The following ITGAE variants were observed in gnomAD, a reference collection of about 807,000 sequenced individuals.
The protein encoded by ITGAE is integrin alpha-E.
A neutral mutation model predicts 136.5 loss-of-function variants in ITGAE; 99 were observed. The ratio of observed to expected loss-of-function variants is 0.73; its 90% CI spans 0.62 to 0.86. The LOEUF is 0.86. Among genes scored for constraint, ITGAE ranks in the 40% least tolerant of loss-of-function variants. The probability of loss-of-function intolerance (pLI) is 0.00; values close to 1 mark genes in which losing one functional copy is unlikely to be tolerated. For missense variants in ITGAE, 1,447 were observed against 1,515.3 expected (o/e 0.95, Z 0.75); for synonymous variants, 613 against 591.8 (o/e 1.04, Z -0.52).
At chr17:3,777,241 G>A (rs1429743612) in intron 2 of ITGAE, among the ~76,000 whole-genome samples, 2 of 152,128 alleles carry the variant, frequency 1.3e-5, no homozygotes, top group African/African-American at 2.4e-5. Context: ...GATTACAGGC[G>A]TGAGCCACCG....
intron 21 of ITGAE, among the ~76,000 whole-genome samples, chr17:3,733,205 G>A (rs542919294): frequency 1.4e-4 from 21 of 151,992 alleles, no homozygotes; most frequent in African/African-American, 3.4e-4. Flanking sequence ...GGCTGGTCTC[G>A]AACTCCTGAC....
At chr17:3,751,991 G>A (rs1368146733) in intron 14 of ITGAE, 117 bp from the exon 15 acceptor site, 2 of 862,370 alleles carry the variant, frequency 2.3e-6, no homozygotes, top group South Asian at 1.6e-5. Flanking sequence ...CACCCAGGAT[G>A]CACGCTCGCT....
In ITGAE at chr17:3,734,884, TC is replaced by T; in HGVS notation, c.2587del (p.Glu863LysfsTer5). On this transcript the variant is annotated frameshift_variant, in exon 21 of 31. Transcript: ENST00000263087. LOFTEE classifies it high-confidence loss of function. The part of the protein sequence containing the change: ...TLNINLTNSG[E>X]DSYMTSMALN... ...GGCCATGCTTGTCATGTAGGAATCT[TC>T]CCCGGAGTTAGTTAGGTTAATGTTC... 1 of 1,614,180 alleles carries T rather than the reference TC, an allele frequency of 6.2e-7. No individual in the cohort carries two copies. The highest frequency in any genetic ancestry group is 8.5e-7 in the Non-Finnish European group (1 of 1,180,024).
intron 28 of ITGAE, chr17:3,721,643 A>C (rs900133851): frequency 1.3e-5 from 2 of 152,062 alleles, no homozygotes; most frequent in Non-Finnish European, 2.9e-5. Flanking sequence ...CTACTTCTTC[A>C]GTTGAGACCT....
At chr17:3,754,810 G>GGTGGTCTCCAGGCC (rs2051962092) in intron 12 of ITGAE, 1 of 329,108 alleles carries the variant, frequency 3.0e-6, no homozygotes, top group Non-Finnish European at 5.7e-6. Context: ...CCCTCACCCA[G>GGTGGTCTCCAGGCC]GTGGTCTCCA....
chr17:3,751,276 G>A (rs907699027), intron 15 of ITGAE, among the ~76,000 whole-genome samples: 2 of 150,956 alleles, frequency 1.3e-5, no homozygotes, highest in African/African-American at 4.9e-5. Context: ...GGGAATGAGA[G>A]ATAAGGCGCG....
chr17:3,748,150 C>A, intron 16 of ITGAE, 98 bp from the exon 17 acceptor site: 4 of 1,237,436 alleles, frequency 3.2e-6, no homozygotes, highest in Non-Finnish European at 4.5e-6. Flanking sequence ...CTCTATCAAA[C>A]ATGCCCACAT....
At chr17:3,788,862 A>T (rs2052869987) in intron 1 of ITGAE, among the ~76,000 whole-genome samples, 1 of 145,956 alleles carries the variant, frequency 6.9e-6, no homozygotes, top group Non-Finnish European at 1.5e-5. Context: ...ATTATAATTA[A>T]AATATTTTTT....
At chr17:3,715,159 C>G (rs2050918775) in intron 30 of ITGAE, among the ~76,000 whole-genome samples, 1 of 152,244 alleles carries the variant, frequency 6.6e-6, no homozygotes, top group Non-Finnish European at 1.5e-5. Flanking sequence ...CCACCTTCCT[C>G]TGAACCCTGC....
rs1289967052 is a variant in ITGAE at position 3,734,925 on chromosome 17, T to A, written c.2547A>T (p.Thr849=). 1 of 1,614,070 alleles carries A rather than the reference T, an allele frequency of 6.2e-7. No individual in the cohort carries two copies. Among genetic ancestry groups the A allele is most frequent in the Non-Finnish European group, 8.5e-7 (1 of 1,180,030 alleles). The change falls in exon 21 of 31, where the codon ACA becomes ACT. Residue 849 remains threonine, a synonymous_variant. Coordinates refer to ENST00000263087, the MANE Select transcript of ITGAE (RefSeq NM_002208.5). The part of the protein sequence containing the change: ...VSQQELVVGL[T]KELTLNINLT... ...GGTTAATGTTCAGGGTCAGCTCCTTTGTGAGACCCACCACCAACTCCTGCC... is the reference window on the plus strand; with the variant it reads ...GGTTAATGTTCAGGGTCAGCTCCTTAGTGAGACCCACCACCAACTCCTGCC...
intron 1 of ITGAE, among the ~76,000 whole-genome samples, chr17:3,781,091 G>C (rs1379857445): frequency 6.6e-6 from 1 of 152,158 alleles, no homozygotes; most frequent in Non-Finnish European, 1.5e-5. Context: ...TCATTTTCAT[G>C]AAACGATATT....
chr17:3,773,283 A>G (rs998923871), intron 2 of ITGAE, among the ~76,000 whole-genome samples: 1 of 152,000 alleles, frequency 6.6e-6, no homozygotes, highest in African/African-American at 2.4e-5. Context: ...CGAGGTCAGG[A>G]GTTCGAGACC....
At chr17:3,737,990 G>C (rs1024674461) in intron 20 of ITGAE, among the ~76,000 whole-genome samples, 1 of 152,182 alleles carries the variant, frequency 6.6e-6, no homozygotes, top group Non-Finnish European at 1.5e-5. Context: ...CTGCTTGTTA[G>C]CCTGGATTCC....
At chr17:3,757,945 T>C in intron 8 of ITGAE, 86 bp from the exon 9 acceptor site, 2 of 1,480,416 alleles carry the variant, frequency 1.4e-6, no homozygotes, top group Admixed American at 3.5e-5. Context: ...TGACCTGTAT[T>C]AGAATTGGGA....
chr17:3,734,757 C>G, intron 21 of ITGAE, 60 bp downstream of exon 21: 1 of 1,600,956 alleles, frequency 6.2e-7, no homozygotes, highest in Non-Finnish European at 8.5e-7. Context: ...CACAGAAAAG[C>G]AGGCATGCAG....
chr17:3,746,029 G>A, intron 17 of ITGAE, 102 bp from the exon 18 acceptor site: 1 of 1,034,342 alleles, frequency 9.7e-7, no homozygotes, highest in Non-Finnish European at 1.4e-6. Context: ...CTCCTGAACA[G>A]TGTCCCCATG....
At chr17:3,745,444 C>T (rs1343403199) in intron 18 of ITGAE, among the ~76,000 whole-genome samples, 3 of 152,128 alleles carry the variant, frequency 2.0e-5, no homozygotes, top group South Asian at 4.1e-4. Context: ...TGGATTCCAG[C>T]GATTCTCCTG....
At chr17:3,724,434 TC>T (rs1460030180) in intron 26 of ITGAE, 1 of 1,613,402 alleles carries the variant, frequency 6.2e-7, no homozygotes, top group South Asian at 1.1e-5. Context: ...CATCAGTGCC[TC>T]CCTGTTCAGC....
In ITGAE at chr17:3,732,440, A is replaced by G. The variant is rs150834989; in HGVS notation, c.2682T>C (p.Asp894=). 8.4e-4 allele frequency: 1,363 copies of G among 1,614,166 alleles called. 11 individuals carry two copies. In the African/African-American group the frequency reaches 0.017, roughly 20 times the overall value. ...QKPPSPNIQC[D]DPQPVASVLI... is the part of the protein sequence containing the mutation. ...GGACAGAAGCAACCGGCTGAGGGTC[A>G]TCACACTGAATGTTTGGAGAGGGAG... is the stretch of plus-strand genomic sequence containing the variant. Residue 894 remains aspartate, a synonymous_variant, in exon 22 of 31, where the codon GAT becomes GAC. Transcript: ENST00000263087.
Sources: gnomAD v4.1 joint callset for allele counts (sites outside exome capture counted in the v4.1 genomes callset) on GRCh38, gnomAD v4.1.1 for gene constraint, MANE v1.5 for transcripts, NCBI Gene and HGNC (gene_info 2026-07-23, HGNC 2026-07-21) for gene names.